The following MX2 variants were observed in gnomAD, a reference collection of about 807,000 sequenced individuals.
MX2 encodes MX dynamin like GTPase 2.
A neutral mutation model predicts 74.0 loss-of-function variants in MX2; 51 were observed. The observed-to-expected ratio is 0.69, with a 90% CI of 0.55 to 0.87. MX2 has a LOEUF of 0.87. MX2 is among the 40% of genes least tolerant of loss of function. The pLI, the probability that MX2 is intolerant of heterozygous loss-of-function variation, is 0.00. For synonymous variants in MX2, 369 were observed against 339.3 expected (o/e 1.09, Z -0.96); for missense variants, 832 against 908.7 (o/e 0.92, Z 1.09).
chr21:41,390,366 G>A, intron 5 of MX2, 199 bp from the exon 6 acceptor site: 2 of 630,996 alleles, frequency 3.2e-6, no homozygotes, highest in Admixed American at 2.8e-5. Context: ...GGCTTTGAAG[G>A]ACAAGTGGGA....
rs1233882741 is a variant in MX2, at chr21:41,399,252, A to G, written c.1329A>G (p.Val443=). 2 of 1,613,992 alleles carry G rather than the reference A, an allele frequency of 1.2e-6. No individual in the cohort carries two copies. Among genetic ancestry groups the G allele is most frequent in the Non-Finnish European group, 1.7e-6 (2 of 1,179,812 alleles). ...IEKLVEGEEV[V]RENETRLYNK... ...AGTTAGTAGAAGGAGAAGAAGTTGT[A>G]AGGGAGAATGAGACCCGTTTATACA... is the stretch of plus-strand genomic sequence containing the variant. The change falls in exon 10 of 14, where the codon GTA becomes GTG. Residue 443 remains valine, a synonymous_variant. Coordinates refer to ENST00000330714, the MANE Select transcript of MX2 (RefSeq NM_002463.2).
At chr21:41,403,540 G>A (rs1020124719) in intron 12 of MX2, 197 bp downstream of exon 12, 10 of 752,246 alleles carry the variant, frequency 1.3e-5, no homozygotes, top group African/African-American at 3.4e-5. Flanking sequence ...CTCAGGAGGC[G>A]GCTTCACTCC....
At position 41,408,284 on chromosome 21, in the gene MX2, G is replaced by T. The variant is rs1236833207; in HGVS notation, c.*51G>T. On this transcript the variant is annotated 3_prime_UTR_variant, in exon 14 of 14. Transcript: ENST00000330714. Reference sequence around the variant, plus strand: ...TCTTGTGCGTACTCATTCATTCTAAGGGGAGTCGGTGCAGGATGCCGCTTC... The same window carrying T: ...TCTTGTGCGTACTCATTCATTCTAATGGGAGTCGGTGCAGGATGCCGCTTC... 3.1e-6 allele frequency: 5 copies of T among 1,597,530 alleles called. No homozygotes were observed. The highest frequency in any genetic ancestry group is 4.3e-6 in the Non-Finnish European group (5 of 1,171,354).
intron 12 of MX2, among the ~76,000 whole-genome samples, chr21:41,405,827 C>T (rs1320039045): frequency 1.3e-5 from 2 of 151,416 alleles, no homozygotes; most frequent in Non-Finnish European, 2.9e-5. Flanking sequence ...GCCTCAGCCT[C>T]CCAAGTAGCT....
At chr21:41,389,698 G>A (rs1601416344) in intron 5 of MX2, 2 of 152,194 alleles carry the variant, frequency 1.3e-5, no homozygotes, top group African/African-American at 4.8e-5. Context: ...TGTCAGCTCG[G>A]GCTAATGGGA....
At chr21:41,381,306 G>A (rs1439452178) in intron 4 of MX2, among the ~76,000 whole-genome samples, 4 of 152,250 alleles carry the variant, frequency 2.6e-5, no homozygotes, top group Non-Finnish European at 4.4e-5. Flanking sequence ...CCAGCTGTGA[G>A]CTCTGTGGGG....
At chr21:41,393,777 G>C (rs2089695757) in intron 6 of MX2, among the ~76,000 whole-genome samples, 1 of 152,126 alleles carries the variant, frequency 6.6e-6, no homozygotes, top group Non-Finnish European at 1.5e-5. Context: ...CCGTTTGGCT[G>C]TCTGGCCAAT....
At chr21:41,387,163 G>A (rs2089590482) in intron 5 of MX2, among the ~76,000 whole-genome samples, 1 of 152,144 alleles carries the variant, frequency 6.6e-6, no homozygotes, top group African/African-American at 2.4e-5. Flanking sequence ...GCACTGCCAA[G>A]GTCAGACTGC....
At chr21:41,374,511 T>C (rs1329563745) in intron 1 of MX2, among the ~76,000 whole-genome samples, 1 of 152,200 alleles carries the variant, frequency 6.6e-6, no homozygotes, top group East Asian at 1.9e-4. Context: ...TGAGGATGAC[T>C]GGGCTCCATC....
At position 41,369,837 on chromosome 21, in the gene MX2, C is replaced by T. The variant is rs999892455; in HGVS notation, c.-71-6999C>T. The stretch of plus-strand genomic sequence containing the variant: ...CTGCCCGCCGCACCCCTGCCCCCCG[C>T]CCCCGCCCCCGCTCCCGCCCCGCCG... On this transcript the variant is annotated intron_variant, in intron 1 of 13. Transcript: ENST00000330714. 5.0e-4 allele frequency among the ~76,000 whole-genome samples: 75 copies of T among 151,292 alleles called. 1 individual carries two copies. Among genetic ancestry groups the T allele is most frequent in the Admixed American group, 3.8e-3 (57 of 15,196 alleles).
intron 3 of MX2, 49 bp from the exon 4 acceptor site, chr21:41,379,968 C>A: frequency 6.2e-7 from 1 of 1,605,476 alleles, no homozygotes; most frequent in Non-Finnish European, 8.5e-7. Context: ...GGGCCCAGTG[C>A]CACTTCTTTA....
intron 2 of MX2, 23 bp from the exon 3 acceptor site, chr21:41,377,766 G>A (rs1268256889): frequency 6.3e-7 from 1 of 1,591,072 alleles, no homozygotes; most frequent in South Asian, 1.1e-5. Context: ...TCAAGGCAGT[G>A]GCATCTGTTC....
chr21:41,364,012 C>T (rs573043388), intron 1 of MX2: 3 of 154,782 alleles, frequency 1.9e-5, no homozygotes, highest in Non-Finnish European at 4.4e-5. Flanking sequence ...CCAGTTTCCT[C>T]ATCTGCAGGA....
At chr21:41,364,913 C>A (rs1269224485) in intron 1 of MX2, 2 of 152,190 alleles carry the variant, frequency 1.3e-5, no homozygotes, top group Non-Finnish European at 2.9e-5. Flanking sequence ...CCCACCTAGA[C>A]TGAAGGTGGA....
Position 41,397,620 on chromosome 21 carries a change from C to T in MX2, c.1078C>T (p.Leu360=). Residue 360 remains leucine (L), a synonymous_variant, in exon 8 of 14, where the codon CTG becomes TTG. Transcript: ENST00000330714. ...FQTHPYFRVL[L]EEGSATVPRL... ...ATGTCTGTCTCATTTCAGAGTTCTC[C>T]TGGAGGAGGGGTCAGCCACGGTTCC... The T allele has an allele frequency of 6.2e-7, 1 of 1,613,890 alleles. No homozygotes were observed. The highest frequency in any genetic ancestry group is 8.5e-7 in the Non-Finnish European group (1 of 1,179,792).
intron 5 of MX2, among the ~76,000 whole-genome samples, chr21:41,384,242 T>A (rs1257299331): frequency 6.6e-6 from 1 of 152,190 alleles, no homozygotes; most frequent in East Asian, 1.9e-4. Context: ...CTTTCCTTTA[T>A]AATTACCCAG....
chr21:41,385,308 C>T (rs982990315), intron 5 of MX2, among the ~76,000 whole-genome samples: 4 of 152,216 alleles, frequency 2.6e-5, no homozygotes, highest in Admixed American at 6.5e-5. Flanking sequence ...TGTGTCCCCA[C>T]CCAAATCTCA....
chr21:41,381,684 CAAAAAAA>C (rs57350601), intron 4 of MX2, among the ~76,000 whole-genome samples: 4 of 58,444 alleles, frequency 6.8e-5, no homozygotes, highest in Non-Finnish European at 1.5e-4. Context: ...GACTCTGTCT[CAAAAAAA>C]AAAAAAAAAA....
chr21:41,396,180 C>G (rs1380459316), intron 7 of MX2, among the ~76,000 whole-genome samples: 4 of 152,182 alleles, frequency 2.6e-5, no homozygotes, highest in Admixed American at 1.3e-4. Context: ...ACCTAACTTC[C>G]AGAAACCCGT....
Sources: allele counts gnomAD v4.1 joint callset (sites outside exome capture counted in the v4.1 genomes callset), GRCh38; gene constraint gnomAD v4.1.1; transcripts MANE v1.5; gene names NCBI Gene and HGNC (gene_info 2026-07-23, HGNC 2026-07-21).